The following SEMA5A variants were observed in gnomAD, a reference collection of about 807,000 sequenced individuals.
The protein encoded by SEMA5A is semaphorin-5A.
SEMA5A carries 55 observed loss-of-function variants against 135.5 expected under a neutral mutation model. That is an observed-to-expected ratio of 0.41 (90% confidence interval 0.33 to 0.51). The LOEUF (loss-of-function observed/expected upper bound fraction) is 0.51. Among genes scored for constraint, SEMA5A ranks in the 20% least tolerant of loss-of-function variants. The probability of loss-of-function intolerance (pLI) is 0.37; values close to 1 mark genes in which losing one functional copy is unlikely to be tolerated. For synonymous variants in SEMA5A, 580 were observed against 546.5 expected (o/e 1.06, Z -0.85); for missense variants, 1,290 against 1,419.9 (o/e 0.91, Z 1.47).
At chr5:9,211,630 G>A (rs1461591066) in intron 8 of SEMA5A, among the ~76,000 whole-genome samples, 1 of 152,110 alleles carries the variant, frequency 6.6e-6, no homozygotes, top group East Asian at 1.9e-4. Context: ...GAAGCACTGA[G>A]CTCCCCAAAG....
At chr5:9,285,550 G>A (rs114954596) in intron 5 of SEMA5A, among the ~76,000 whole-genome samples, 330 of 152,318 alleles carry the variant, frequency 2.2e-3, no homozygotes, top group African/African-American at 7.5e-3. Context: ...AAAACTATCA[G>A]TCAAAAGACT....
rs1242149244 is a variant in SEMA5A at position 9,036,198 on chromosome 5, A to G, written c.*6699T>C. 2 of 152,202 alleles carry G rather than the reference A, an allele frequency of 1.3e-5. No homozygotes were observed. Among genetic ancestry groups the G allele is most frequent in the South Asian group, 2.1e-4 (1 of 4,826 alleles). 9.4% of individuals were successfully genotyped at this position (152,202 alleles called of 1,614,324 possible). A position where few individuals can be genotyped will look rare whatever the true frequency, so the allele number is the denominator to read the frequency against. On this transcript the variant is annotated 3_prime_UTR_variant, in exon 23 of 23. Transcript: ENST00000382496. ...GTGAAACTAAGTGCTTGGGTTAAAG[A>G]TTCATACTGTGCTTTGTTTCAAAGT... is the stretch of plus-strand genomic sequence containing the variant.
intron 1 of SEMA5A, among the ~76,000 whole-genome samples, chr5:9,519,457 A>G (rs1424024333): frequency 6.6e-6 from 1 of 152,228 alleles, no homozygotes; most frequent in Non-Finnish European, 1.5e-5. Context: ...TATCACCAAA[A>G]TGCAAAAACA....
chr5:9,053,990 A>G, intron 19 of SEMA5A, 97 bp downstream of exon 19: 1 of 1,400,476 alleles, frequency 7.1e-7, no homozygotes, highest in East Asian at 2.4e-5. Flanking sequence ...CCCTTTCAGT[A>G]CTTACCATGA....
At chr5:9,210,280 TC>T (rs1378411712) in intron 8 of SEMA5A, among the ~76,000 whole-genome samples, 1 of 152,192 alleles carries the variant, frequency 6.6e-6, no homozygotes, top group African/African-American at 2.4e-5. Flanking sequence ...GACCTGTGGC[TC>T]CCCAGCTTTT....
At position 9,418,643 on chromosome 5, in the gene SEMA5A, T is replaced by C. The variant is rs139534991; in HGVS notation, c.-78+19113A>G. Among the ~76,000 whole-genome samples, 44 of 152,254 alleles carry C rather than the reference T, an allele frequency of 2.9e-4. No homozygotes were observed. The East Asian group carries it at 7.5e-3, about 26-fold the overall frequency. ...ACAACTGCCCTCCACAGTTCACAAATACTGACGGCGCACTAAACCATAAGC... is the reference window on the plus strand; with the variant it reads ...ACAACTGCCCTCCACAGTTCACAAACACTGACGGCGCACTAAACCATAAGC... On this transcript the variant is annotated intron_variant, in intron 2 of 22. Coordinates refer to ENST00000382496, the MANE Select transcript of SEMA5A (RefSeq NM_003966.3).
At chr5:9,437,651 C>A (rs1363448114) in intron 2 of SEMA5A, 105 bp downstream of exon 2, 1 of 152,324 alleles carries the variant, frequency 6.6e-6, no homozygotes, top group East Asian at 1.9e-4. Flanking sequence ...CAAGCCCAGC[C>A]TACTCTTATT....
At chr5:9,106,430 A>G (rs894206258) in intron 16 of SEMA5A, among the ~76,000 whole-genome samples, 4 of 152,244 alleles carry the variant, frequency 2.6e-5, no homozygotes, top group Non-Finnish European at 5.9e-5. Flanking sequence ...TTTATTCATT[A>G]AGCTATATTT....
At chr5:9,209,177 A>G (rs2150383526) in intron 8 of SEMA5A, among the ~76,000 whole-genome samples, 1 of 152,276 alleles carries the variant, frequency 6.6e-6, no homozygotes, top group East Asian at 1.9e-4. Context: ...CCATATCTTT[A>G]GGTCAATAGG....
chr5:9,289,445 C>T (rs187692310), intron 5 of SEMA5A, among the ~76,000 whole-genome samples: 244 of 152,094 alleles, frequency 1.6e-3, no homozygotes, highest in African/African-American at 5.7e-3. Flanking sequence ...TGAGGCAGAT[C>T]GCGAGGTCAG....
intron 11 of SEMA5A, among the ~76,000 whole-genome samples, chr5:9,158,090 G>A (rs192618562): frequency 6.6e-6 from 1 of 152,320 alleles, no homozygotes; most frequent in Admixed American, 6.5e-5. Flanking sequence ...GATGTTTCAT[G>A]AATATATTCT....
In SEMA5A at chr5:9,180,760, G is replaced by A. The variant is rs538754100; in HGVS notation, c.1273+9507C>T. ...CCCTACTTTTTTTAGATAGGAACCT[G>A]AAAACCTTGAAAATTAGGTGCTAGA... On this transcript the variant is annotated intron_variant, in intron 11 of 22. Coordinates refer to ENST00000382496, the MANE Select transcript of SEMA5A (RefSeq NM_003966.3). Among the ~76,000 whole-genome samples the A allele has an allele frequency of 2.0e-5, 3 of 146,424 alleles. No homozygotes were observed. In the South Asian group the frequency reaches 6.6e-4, roughly 32 times the overall value.
intron 5 of SEMA5A, among the ~76,000 whole-genome samples, chr5:9,248,717 T>C (rs1259651239): frequency 1.3e-5 from 2 of 151,928 alleles, no homozygotes; most frequent in African/African-American, 4.8e-5. Context: ...GAGAAGGAAA[T>C]ATGACCGTGG....
intron 2 of SEMA5A, among the ~76,000 whole-genome samples, chr5:9,383,903 G>A (rs1755720276): frequency 6.6e-6 from 1 of 152,130 alleles, no homozygotes; most frequent in Non-Finnish European, 1.5e-5. Flanking sequence ...GATTTGGAAA[G>A]CGACAATTAG....
intron 15 of SEMA5A, among the ~76,000 whole-genome samples, chr5:9,110,257 G>A (rs1560925746): frequency 6.6e-6 from 1 of 152,196 alleles, no homozygotes; most frequent in Admixed American, 6.5e-5. Flanking sequence ...ATAACTCCAT[G>A]AGAGTTAGAT....
intron 4 of SEMA5A, among the ~76,000 whole-genome samples, chr5:9,325,656 A>G (rs1752839031): frequency 6.6e-6 from 1 of 152,188 alleles, no homozygotes; most frequent in South Asian, 2.1e-4. Context: ...GGCATTAAAG[A>G]AAAGGTTGAG....
intron 1 of SEMA5A, among the ~76,000 whole-genome samples, chr5:9,511,756 T>C (rs1365350160): frequency 6.6e-6 from 1 of 152,192 alleles, no homozygotes; most frequent in African/African-American, 2.4e-5. Context: ...TAGCTGGATT[T>C]AATCATTCCA....
chr5:9,511,231 C>G (rs148974026), intron 1 of SEMA5A: 169 of 152,250 alleles, frequency 1.1e-3, no homozygotes, highest in African/African-American at 3.9e-3. Flanking sequence ...TACAGCTTGT[C>G]AAATGCACAT....
intron 1 of SEMA5A, among the ~76,000 whole-genome samples, chr5:9,475,461 T>G (rs1441628470): frequency 6.6e-6 from 1 of 152,232 alleles, no homozygotes; most frequent in Non-Finnish European, 1.5e-5. Context: ...GAATACATTC[T>G]CTAATTTTGA....
Sources: gnomAD v4.1 joint callset for allele counts (sites outside exome capture counted in the v4.1 genomes callset) on GRCh38, gnomAD v4.1.1 for gene constraint, MANE v1.5 for transcripts, NCBI Gene and HGNC (gene_info 2026-07-23, HGNC 2026-07-21) for gene names.